The following ZNF577 variants were observed in gnomAD, a reference collection of about 807,000 sequenced individuals.
ZNF577 encodes the protein zinc finger protein 577.
In ZNF577, 14 loss-of-function variants were observed where a neutral mutation model predicts 13.9. That is an observed-to-expected ratio of 1.00 (90% confidence interval 0.66 to 1.57). The LOEUF (loss-of-function observed/expected upper bound fraction) is 1.57. Among genes scored for constraint, ZNF577 ranks in the 40% most tolerant of loss-of-function variants. ZNF577 has a pLI of 0.00. For synonymous variants in ZNF577, 203 were observed against 202.9 expected, an observed-to-expected ratio of 1.00 and a Z score of 0.00; for missense variants, 555 against 579.2, an observed-to-expected ratio of 0.96 and a Z score of 0.43.
chr19:51,860,921 T>C (rs1599859598), intron 5 of ZNF577: 1 of 415,254 alleles, frequency 2.4e-6, no homozygotes, highest in Non-Finnish European at 4.7e-6. Flanking sequence ...GAGGTGTGAT[T>C]CTTCTTAGCT....
Position 51,887,867 on chromosome 19 carries a change from T to G in ZNF577, c.-1265A>C, listed in dbSNP as rs1401219645. On this transcript the variant is annotated 5_prime_UTR_variant, in exon 1 of 6. Coordinates refer to ENST00000638348, the MANE Select transcript of ZNF577 (RefSeq NM_001370449.1). ...ACCTGTCTCCACTGCTGGAGGCGAGTCAGGGACCCGAAGTCTCTAAACACT... is the reference window on the plus strand; with the variant it reads ...ACCTGTCTCCACTGCTGGAGGCGAGGCAGGGACCCGAAGTCTCTAAACACT... 1 of 151,452 alleles carries G rather than the reference T, an allele frequency of 6.6e-6. No homozygotes were observed. Among genetic ancestry groups the G allele is most frequent in the African/African-American group, 2.4e-5 (1 of 41,160 alleles). The allele number at this position is 151,452 out of a possible 1,614,324, so 9.4% of individuals were successfully genotyped here.
At chr19:51,878,882 T>C in intron 3 of ZNF577, 1 of 165,126 alleles carries the variant, frequency 6.1e-6, no homozygotes, top group Non-Finnish European at 1.3e-5. Context: ...ACCCACATGA[T>C]TATCAATGAT....
At chr19:51,812,754 C>T (rs1441362177) in intron 9 of ZNF577, among the ~76,000 whole-genome samples, 2 of 152,176 alleles carry the variant, frequency 1.3e-5, no homozygotes, top group African/African-American at 4.8e-5. Flanking sequence ...ACACACATTA[C>T]AGTCATTTAA....
intron 5 of ZNF577, chr19:51,861,040 G>A (rs2084492813): frequency 2.5e-6 from 1 of 397,748 alleles, no homozygotes; most frequent in African/African-American, 2.2e-5. Flanking sequence ...CACTGGTGCT[G>A]CCTACTAAAT....
At chr19:51,850,344 C>T (rs1222157086) in intron 5 of ZNF577, among the ~76,000 whole-genome samples, 2 of 152,196 alleles carry the variant, frequency 1.3e-5, no homozygotes, top group Non-Finnish European at 2.9e-5. Flanking sequence ...TAGTCAATCA[C>T]GTCTATGTGA....
At chr19:51,807,644 G>A (rs749602907) in intron 10 of ZNF577, among the ~76,000 whole-genome samples, 3 of 152,202 alleles carry the variant, frequency 2.0e-5, no homozygotes, top group Non-Finnish European at 4.4e-5. Context: ...AAATAAGTCT[G>A]TCCACCTGGA....
chr19:51,847,975 C>A (rs1034091846), intron 5 of ZNF577, among the ~76,000 whole-genome samples: 15 of 152,186 alleles, frequency 9.9e-5, no homozygotes, highest in African/African-American at 3.6e-4. Flanking sequence ...CAGGAATGAT[C>A]GCTCAGCAAT....
chr19:51,883,729 A>C (rs1259551051), intron 1 of ZNF577, among the ~76,000 whole-genome samples: 1 of 152,198 alleles, frequency 6.6e-6, no homozygotes, highest in Non-Finnish European at 1.5e-5. Context: ...GTTAAAAGAC[A>C]ATGATGAGAT....
chr19:51,880,437 A>T (rs2084844140), intron 2 of ZNF577, 36 bp from the exon 3 acceptor site: 1 of 1,597,512 alleles, frequency 6.3e-7, no homozygotes, highest in Non-Finnish European at 8.6e-7. Context: ...TAAAGCAGAG[A>T]AAACCCACAG....
rs2084616220 is a variant in ZNF577 at position 51,869,283 on chromosome 19, C to T, written c.*3249G>A. ...TATTTGCTGAGATAGGAGAAAACCA[C>T]CTTATGGCTGGATGTGAGACATGCT... is the stretch of plus-strand genomic sequence containing the variant. On this transcript the variant is annotated 3_prime_UTR_variant, in exon 6 of 6. Transcript: ENST00000638348. 6.6e-6 allele frequency among the ~76,000 whole-genome samples: 1 copy of T among 152,170 alleles called. No individual in the cohort carries two copies. The highest frequency in any genetic ancestry group is 2.1e-4 in the South Asian group (1 of 4,824).
At chr19:51,854,045 C>A (rs561585306) in intron 5 of ZNF577, among the ~76,000 whole-genome samples, 1 of 152,224 alleles carries the variant, frequency 6.6e-6, no homozygotes, top group Non-Finnish European at 1.5e-5. Flanking sequence ...CTATACTATT[C>A]TTTAAGTTTT....
intron 9 of ZNF577, among the ~76,000 whole-genome samples, chr19:51,835,665 T>C (rs1366173140): frequency 6.6e-6 from 1 of 152,156 alleles, no homozygotes; most frequent in African/African-American, 2.4e-5. Context: ...AAAAGTTATG[T>C]TTTCACTGAC....
At chr19:51,861,653 CT>C (rs1463396680) in intron 5 of ZNF577, 4 of 152,336 alleles carry the variant, frequency 2.6e-5, no homozygotes, top group Non-Finnish European at 5.9e-5. Context: ...TTCCTTCCTG[CT>C]GGGGTTTCTG....
intron 10 of ZNF577, among the ~76,000 whole-genome samples, chr19:51,805,567 AGCGC>A (rs1568427852): frequency 1.3e-5 from 2 of 152,264 alleles, no homozygotes; most frequent in African/African-American, 4.8e-5. Flanking sequence ...TTAAAATGAC[AGCGC>A]AATTGCCGCT....
intron 9 of ZNF577, among the ~76,000 whole-genome samples, chr19:51,821,010 T>A (rs143297181): frequency 1.1e-3 from 171 of 152,310 alleles, no homozygotes; most frequent in African/African-American, 3.9e-3. Context: ...ATTGTTCTTG[T>A]CCTGACCTTG....
intron 5 of ZNF577, among the ~76,000 whole-genome samples, chr19:51,876,299 C>T (rs898264134): frequency 1.2e-4 from 19 of 152,058 alleles, no homozygotes; most frequent in Non-Finnish European, 4.4e-5. Context: ...AGGAAATATT[C>T]GGAGAGCTGT....
chr19:51,870,434 G>A lies in ZNF577; in HGVS notation c.*2098C>T, dbSNP rs1318956903. On this transcript the variant is annotated 3_prime_UTR_variant, in exon 6 of 6. Transcript: ENST00000638348. ...TGTATGCTTTGTGAGGAGAGTTCGA[G>A]GCAGCCTTTACTGTAGAGCAAATCT... Among the ~76,000 whole-genome samples, 1 of 152,070 alleles carries A rather than the reference G, an allele frequency of 6.6e-6. No individual in the cohort carries two copies. The highest frequency in any genetic ancestry group is 2.4e-5 in the African/African-American group (1 of 41,404).
chr19:51,869,958 T>G lies in ZNF577; in HGVS notation c.*2574A>C, dbSNP rs1455166370. Among the ~76,000 whole-genome samples the G allele has an allele frequency of 6.6e-6, 1 of 152,182 alleles. No individual in the cohort carries two copies. The highest frequency in any genetic ancestry group is 1.5e-5 in the Non-Finnish European group (1 of 68,032). On this transcript the variant is annotated 3_prime_UTR_variant, in exon 6 of 6. Coordinates refer to ENST00000638348, the MANE Select transcript of ZNF577 (RefSeq NM_001370449.1). The stretch of plus-strand genomic sequence containing the variant: ...GGGCTAAACACCGGGTAGACTACAC[T>G]GCACAAATTCAGCTGAGCTTGCTTC...
intron 10 of ZNF577, among the ~76,000 whole-genome samples, chr19:51,810,925 A>G: frequency 6.6e-6 from 1 of 152,246 alleles, no homozygotes; most frequent in East Asian, 1.9e-4. Flanking sequence ...GCAGCAGAGC[A>G]TAAAATTCTT....
Sources: allele counts gnomAD v4.1 joint callset (sites outside exome capture counted in the v4.1 genomes callset), GRCh38; gene constraint gnomAD v4.1.1; transcripts MANE v1.5; gene names NCBI Gene and HGNC (gene_info 2026-07-23, HGNC 2026-07-21).